The following EYS variants were observed in gnomAD, a reference collection of about 807,000 sequenced individuals.
The protein encoded by EYS is EGF-like photoreceptor maintenance factor, also known as protein eyes shut homolog.
Under a neutral mutation model 282.1 loss-of-function variants are expected in EYS, and 250 were observed. The ratio of observed to expected loss-of-function variants is 0.89; its 90% CI spans 0.80 to 0.98. EYS has a LOEUF of 0.98. Ranked by LOEUF, EYS falls within the 50% of genes least tolerant of loss-of-function variation. The pLI, the probability that EYS is intolerant of heterozygous loss-of-function variation, is 0.00. For synonymous variants in EYS, 1,355 were observed against 1,282.9 expected (o/e 1.06, Z -1.20); for missense variants, 4,016 against 3,709.0 (o/e 1.08, Z -2.15).
At chr6:65,189,751 C>A (rs1252824537) in intron 12 of EYS, among the ~76,000 whole-genome samples, 1 of 151,668 alleles carries the variant, frequency 6.6e-6, no homozygotes, top group African/African-American at 2.4e-5. Context: ...AAATTACTCC[C>A]TAAGTGTCGA....
intron 35 of EYS, among the ~76,000 whole-genome samples, chr6:63,969,851 CTT>C (rs1197533751): frequency 1.2e-4 from 19 of 152,320 alleles, no homozygotes; most frequent in Admixed American, 6.5e-5. Flanking sequence ...CTCTCTCTCT[CTT>C]GCAAGCTGTT....
In EYS at chr6:64,962,136, T is replaced by C. The variant is rs116107769; in HGVS notation, c.2260-16222A>G. ...TCCTAACCCTGCACTTCTATTCTAG[T>C]TGCTATTCTTCTCAGTATTTCTCGG... On this transcript the variant is annotated intron_variant, in intron 14 of 42. Transcript: ENST00000503581. 1.2e-3 allele frequency among the ~76,000 whole-genome samples: 180 copies of C among 152,276 alleles called. 1 individual carries two copies. Among genetic ancestry groups the C allele is most frequent in the African/African-American group, 4.3e-3 (178 of 41,562 alleles).
chr6:65,224,299 C>T (rs1164173587), intron 12 of EYS, among the ~76,000 whole-genome samples: 1 of 152,156 alleles, frequency 6.6e-6, no homozygotes, highest in Non-Finnish European at 1.5e-5. Context: ...AAATGACACA[C>T]TCTTAACCAA....
At chr6:65,493,581 C>T (rs1766127330) in intron 4 of EYS, among the ~76,000 whole-genome samples, 1 of 152,142 alleles carries the variant, frequency 6.6e-6, no homozygotes, top group Non-Finnish European at 1.5e-5. Flanking sequence ...TTTCTCCTCA[C>T]TTTCCTCCGA....
At chr6:65,495,697 G>C (rs1766231726) in intron 3 of EYS, 90 bp from the exon 4 acceptor site, 1 of 463,478 alleles carries the variant, frequency 2.2e-6, no homozygotes, top group African/African-American at 2.0e-5. Flanking sequence ...GATTTCATAA[G>C]AGCCTACACT....
chr6:65,157,665 T>C (rs1469529785), intron 12 of EYS, among the ~76,000 whole-genome samples: 6 of 150,764 alleles, frequency 4.0e-5, no homozygotes, highest in Non-Finnish European at 8.9e-5. Context: ...ATGAAAATTA[T>C]ATAGTCATGT....
At chr6:65,232,992 T>C (rs939334316) in intron 12 of EYS, among the ~76,000 whole-genome samples, 1 of 152,178 alleles carries the variant, frequency 6.6e-6, no homozygotes, top group African/African-American at 2.4e-5. Context: ...GAATTTTTCA[T>C]TTCAGTTCAT....
intron 22 of EYS, among the ~76,000 whole-genome samples, chr6:64,791,259 A>C (rs1163432402): frequency 6.6e-6 from 1 of 151,866 alleles, no homozygotes; most frequent in Admixed American, 6.6e-5. Context: ...AAATACATAC[A>C]TTCTAATGAC....
intron 22 of EYS, among the ~76,000 whole-genome samples, chr6:64,691,954 C>T (rs1562137677): frequency 1.3e-5 from 2 of 152,086 alleles, no homozygotes; most frequent in East Asian, 3.8e-4. Context: ...AGCACAGTGA[C>T]AAACACACGA....
At chr6:64,386,039 C>T (rs1016043130) in intron 29 of EYS, among the ~76,000 whole-genome samples, 4 of 152,068 alleles carry the variant, frequency 2.6e-5, no homozygotes, top group African/African-American at 9.7e-5. Context: ...TTATGGCTTC[C>T]ACCATCTCCT....
At chr6:65,134,970 G>A (rs1775982189) in intron 12 of EYS, among the ~76,000 whole-genome samples, 1 of 151,956 alleles carries the variant, frequency 6.6e-6, no homozygotes, top group South Asian at 2.1e-4. Context: ...GTGAGTGATA[G>A]GAGATTTGTA....
At chr6:65,680,898 T>G (rs1396646192) in intron 1 of EYS, among the ~76,000 whole-genome samples, 4 of 151,882 alleles carry the variant, frequency 2.6e-5, no homozygotes, top group Non-Finnish European at 4.4e-5. Flanking sequence ...TCTCACACTC[T>G]ACCTTGATGT....
At chr6:65,215,216 A>G (rs1458333225) in intron 12 of EYS, among the ~76,000 whole-genome samples, 1 of 152,158 alleles carries the variant, frequency 6.6e-6, no homozygotes, top group Non-Finnish European at 1.5e-5. Flanking sequence ...AACATTCTGG[A>G]AAGGATTCAC....
chr6:64,380,798 G>A (rs1190800202), intron 29 of EYS, among the ~76,000 whole-genome samples: 7 of 152,056 alleles, frequency 4.6e-5, no homozygotes, highest in African/African-American at 9.7e-5. Context: ...CAGGTGGATC[G>A]TGAAGTCAGG....
chr6:65,633,862 G>T (rs759414017), intron 2 of EYS, among the ~76,000 whole-genome samples: 79 of 152,256 alleles, frequency 5.2e-4, no homozygotes, highest in Admixed American at 7.8e-4. Flanking sequence ...CTGTTTTCCC[G>T]CTGCAATGGC....
At chr6:65,172,485 A>AAAG (rs1004897596) in intron 12 of EYS, among the ~76,000 whole-genome samples, 3 of 151,388 alleles carry the variant, frequency 2.0e-5, no homozygotes, top group African/African-American at 7.3e-5. Flanking sequence ...AGATAAATTC[A>AAAG]AAGAATATAT....
At chr6:65,101,006 C>T (rs1774878770) in intron 12 of EYS, among the ~76,000 whole-genome samples, 1 of 151,068 alleles carries the variant, frequency 6.6e-6, no homozygotes, top group African/African-American at 2.4e-5. Context: ...AATATTCACA[C>T]TTGAGTAATA....
At chr6:65,583,508 C>A (rs918723323) in intron 2 of EYS, among the ~76,000 whole-genome samples, 3 of 152,010 alleles carry the variant, frequency 2.0e-5, no homozygotes, top group Non-Finnish European at 4.4e-5. Flanking sequence ...TATTTTAATT[C>A]TATGACTCTC....
chr6:64,816,541 C>T (rs971575428), intron 21 of EYS, among the ~76,000 whole-genome samples: 1 of 152,082 alleles, frequency 6.6e-6, no homozygotes, highest in African/African-American at 2.4e-5. Flanking sequence ...TCGTGATAGG[C>T]TTTCCCTAAC....
Sources: allele counts gnomAD v4.1 joint callset (sites outside exome capture counted in the v4.1 genomes callset), GRCh38; gene constraint gnomAD v4.1.1; transcripts MANE v1.5; gene names NCBI Gene and HGNC (gene_info 2026-07-23, HGNC 2026-07-21).